Variants in TMEM182 observed in about 807,000 individuals in gnomAD.
TMEM182 encodes the protein transmembrane protein 182.
TMEM182 carries 20 observed loss-of-function variants against 26.8 expected under a neutral mutation model. The observed-to-expected ratio is 0.75, with a 90% CI of 0.53 to 1.09. TMEM182 has a LOEUF of 1.09. TMEM182 is among the 50% of genes least tolerant of loss of function. The pLI, the probability that TMEM182 is intolerant of heterozygous loss-of-function variation, is 0.00. For missense variants in TMEM182, 277 were observed against 275.5 expected, an observed-to-expected ratio of 1.01 and a Z score of -0.04; for synonymous variants, 109 against 102.2, an observed-to-expected ratio of 1.07 and a Z score of -0.40.
intron 3 of TMEM182, among the ~76,000 whole-genome samples, chr2:102,829,533 T>C (rs138322601): frequency 8.6e-4 from 131 of 152,260 alleles, no homozygotes; most frequent in African/African-American, 3.0e-3. Context: ...GACAGAACCC[T>C]GAAGGATGTG....
intron 3 of TMEM182, among the ~76,000 whole-genome samples, chr2:102,780,752 C>T (rs139109248): frequency 3.3e-5 from 5 of 152,260 alleles, no homozygotes; most frequent in Non-Finnish European, 5.9e-5. Flanking sequence ...TTGTTACAAA[C>T]TGTGGAGGAG....
chr2:102,770,134 AAGAC>A (rs1680611790), intron 3 of TMEM182, among the ~76,000 whole-genome samples: 1 of 152,210 alleles, frequency 6.6e-6, no homozygotes, highest in Non-Finnish European at 1.5e-5. Context: ...GGGAAGAAGA[AAGAC>A]AGCCCACAAA....
rs1054981771 is a variant in TMEM182, at chr2:102,828,700, C to T, written c.326-14712C>T. Among the ~76,000 whole-genome samples, 15 of 152,282 alleles carry T rather than the reference C, an allele frequency of 9.9e-5. No individual in the cohort carries two copies. The East Asian group carries it at 2.9e-3, about 29-fold the overall frequency. On this transcript the variant is annotated intron_variant, in intron 3 of 3. Coordinates refer to the TMEM182 transcript ENST00000486293. ...CTAGCTGAACCTTCTCTGACCAAGT[C>T]TCCACACTAGGCTACCCCACAATAG...
downstream of TMEM182, among the ~76,000 whole-genome samples, chr2:102,821,785 G>A (rs1438061633): frequency 3.9e-5 from 6 of 151,948 alleles, no homozygotes; most frequent in African/African-American, 1.2e-4. Context: ...TCAGGAGATC[G>A]AGACCACCCT....
chr2:102,799,972 G>A (rs1470368214), intron 4 of TMEM182, among the ~76,000 whole-genome samples: 1 of 152,020 alleles, frequency 6.6e-6, no homozygotes, highest in East Asian at 1.9e-4. Context: ...TGCTGCTGGG[G>A]CTTCATTTTG....
intron 1 of TMEM182, among the ~76,000 whole-genome samples, chr2:102,745,383 A>T (rs549376133): frequency 6.6e-6 from 1 of 152,020 alleles, no homozygotes; most frequent in African/African-American, 2.4e-5. Context: ...TTTTAAGGTG[A>T]TTGTGTGATA....
At position 102,762,369 on chromosome 2, in the gene TMEM182, T is replaced by C; in HGVS notation, c.132+20T>C. ...AAGAATGTGAGTCTCTTCTTCAAAATAGTGATGCACATGGTAGTTATGAAG... is the reference window on the plus strand; with the variant it reads ...AAGAATGTGAGTCTCTTCTTCAAAACAGTGATGCACATGGTAGTTATGAAG... On this transcript the variant is annotated intron_variant, in intron 1 of 4. Coordinates refer to ENST00000412401, the MANE Select transcript of TMEM182 (RefSeq NM_144632.5). The C allele has an allele frequency of 6.2e-7, 1 of 1,613,652 alleles. No individual in the cohort carries two copies. The highest frequency in any genetic ancestry group is 1.1e-5 in the South Asian group (1 of 91,024).
At chr2:102,769,466 A>G (rs1035720290) in intron 3 of TMEM182, among the ~76,000 whole-genome samples, 4 of 152,190 alleles carry the variant, frequency 2.6e-5, no homozygotes, top group African/African-American at 9.7e-5. Context: ...CCTTCAAACA[A>G]TAAGTATTAT....
chr2:102,814,086 G>A (rs1333116686), intron 4 of TMEM182, among the ~76,000 whole-genome samples: 1 of 148,566 alleles, frequency 6.7e-6, no homozygotes, highest in Non-Finnish European at 1.5e-5. Context: ...TCTTTAGTGT[G>A]TATATATATA....
intron 1 of TMEM182, among the ~76,000 whole-genome samples, chr2:102,750,328 G>A (rs914608085): frequency 1.3e-5 from 2 of 152,182 alleles, no homozygotes; most frequent in Non-Finnish European, 2.9e-5. Context: ...TAATGTATGA[G>A]ATTTGAAAAC....
At chr2:102,808,043 G>A (rs987243953) in intron 4 of TMEM182, among the ~76,000 whole-genome samples, 4 of 152,158 alleles carry the variant, frequency 2.6e-5, no homozygotes, top group South Asian at 2.1e-4. Context: ...GACAGCATTC[G>A]TAGCATGAGG....
downstream of TMEM182, among the ~76,000 whole-genome samples, chr2:102,818,704 A>C (rs898878651): frequency 2.6e-5 from 4 of 152,152 alleles, no homozygotes; most frequent in Non-Finnish European, 5.9e-5. Flanking sequence ...CTGCTTCTAG[A>C]TGTAAGGAGT....
intron 1 of TMEM182, among the ~76,000 whole-genome samples, chr2:102,737,605 G>A (rs1331299802): frequency 1.3e-5 from 2 of 152,156 alleles, no homozygotes; most frequent in Non-Finnish European, 2.9e-5. Context: ...GATATGTGTG[G>A]CTGAAACTTC....
intron 3 of TMEM182, among the ~76,000 whole-genome samples, chr2:102,832,966 G>A (rs1683179421): frequency 1.3e-5 from 2 of 152,146 alleles, no homozygotes; most frequent in Non-Finnish European, 1.5e-5. Context: ...CATCTCTAAT[G>A]TCTGTGAGTC....
Position 102,736,936 on chromosome 2 carries a change from G to C in TMEM182, c.-160G>C, listed in dbSNP as rs1331672686. 2.1e-5 allele frequency: 26 copies of C among 1,248,220 alleles called. No individual in the cohort carries two copies. The East Asian group carries it at 6.9e-4, about 33-fold the overall frequency. The allele number at this position is 1,248,220 out of a possible 1,614,324, so 77.3% of individuals were successfully genotyped here. The stretch of plus-strand genomic sequence containing the variant: ...GAGAGGGGGCGGGTGCTACCTGGCA[G>C]CTCCGCGGGTGCGTGGCCGGTGCTG... On this transcript the variant is annotated 5_prime_UTR_variant, in exon 1 of 6. Transcript: ENST00000409173.
At position 102,742,428 on chromosome 2, in the gene TMEM182, C is replaced by G. The variant is rs373076258; in HGVS notation, c.-83+5415C>G. On this transcript the variant is annotated intron_variant, in intron 1 of 5. Transcript: ENST00000409173. ...GAGGTATAAGATACCATTTGGTATC[C>G]TATACCAAAAGGGAAAGGTGTAAGA... 1.8e-4 allele frequency among the ~76,000 whole-genome samples: 28 copies of G among 151,914 alleles called. No homozygotes were observed. In the East Asian group the frequency reaches 4.1e-3, roughly 22 times the overall value.
At chr2:102,830,999 G>A (rs1426499550) in intron 3 of TMEM182, among the ~76,000 whole-genome samples, 1 of 152,132 alleles carries the variant, frequency 6.6e-6, no homozygotes, top group Admixed American at 6.5e-5. Context: ...TTAACATAAT[G>A]ATCCAGTTCC....
intron 4 of TMEM182, among the ~76,000 whole-genome samples, chr2:102,809,465 A>G (rs1283599747): frequency 2.0e-5 from 3 of 152,156 alleles, no homozygotes; most frequent in Admixed American, 6.5e-5. Flanking sequence ...TTGATTCTAT[A>G]CTTAGCACAA....
chr2:102,798,000 G>A lies in TMEM182; in HGVS notation c.469G>A (p.Gly157Ser). ...KAGGGSYIAA[G>S]ILFSLVVMLY... ...TGGGGGAGGCTCATATATTGCTGCA[G>A]GTACGTACGGTGCAATGGGTATGAC... Residue 157 changes from glycine (G) to serine (S), a missense_variant and splice_region_variant, in exon 4 of 5, where the codon GGC (glycine) becomes AGC (serine). By Grantham distance (56) the Gly-to-Ser change is moderately conservative. Transcript: ENST00000412401. The A allele has an allele frequency of 6.2e-7, 1 of 1,612,232 alleles. No homozygotes were observed. The highest frequency in any genetic ancestry group is 8.5e-7 in the Non-Finnish European group (1 of 1,179,556).
Sources: gnomAD v4.1 joint callset for allele counts (sites outside exome capture counted in the v4.1 genomes callset) on GRCh38, gnomAD v4.1.1 for gene constraint, MANE v1.5 for transcripts, NCBI Gene and HGNC (gene_info 2026-07-23, HGNC 2026-07-21) for gene names.